SCAF8: variants seen among roughly 807,000 people sequenced by gnomAD.
SCAF8 encodes the protein SR-related CTD associated factor 8.
In SCAF8, 23 loss-of-function variants were observed where a neutral mutation model predicts 140.5. The observed-to-expected ratio is 0.16, with a 90% CI of 0.12 to 0.23. SCAF8 has a LOEUF of 0.23. Ranked by LOEUF, SCAF8 falls within the 10% of genes least tolerant of loss-of-function variation. The pLI is 1.00. For synonymous variants in SCAF8, 575 were observed against 528.9 expected (o/e 1.09, Z -1.20); for missense variants, 1,397 against 1,555.7 (o/e 0.90, Z 1.72).
chr6:154,808,283 T>C, intron 10 of SCAF8, 82 bp downstream of exon 10: 2 of 1,316,442 alleles, frequency 1.5e-6, no homozygotes, highest in South Asian at 2.6e-5. Context: ...AGCAGTGCCC[T>C]GAATATATTT....
chr6:154,762,097 A>G (rs1776419792), intron 1 of SCAF8, among the ~76,000 whole-genome samples: 1 of 152,262 alleles, frequency 6.6e-6, no homozygotes, highest in Non-Finnish European at 1.5e-5. Context: ...CACATACTAG[A>G]AAATAAAAGC....
intron 1 of SCAF8, among the ~76,000 whole-genome samples, chr6:154,773,339 A>G (rs372042624): frequency 6.6e-6 from 1 of 152,196 alleles, no homozygotes; most frequent in South Asian, 2.1e-4. Flanking sequence ...TCTCTAGTTT[A>G]GCATAATGTT....
intron 1 of SCAF8, among the ~76,000 whole-genome samples, chr6:154,734,138 G>A (rs1318572904): frequency 6.6e-6 from 1 of 152,224 alleles, no homozygotes; most frequent in Non-Finnish European, 1.5e-5. Context: ...GCCGCCCTGG[G>A]GCGGAGGGAG....
chr6:154,825,908 A>G (rs901389500), intron 17 of SCAF8, among the ~76,000 whole-genome samples: 1 of 152,150 alleles, frequency 6.6e-6, no homozygotes, highest in Non-Finnish European at 1.5e-5. Context: ...CTCTAATTCA[A>G]GAATTTTGTT....
intron 9 of SCAF8, 98 bp from the exon 10 acceptor site, chr6:154,807,971 GT>G (rs2114643598): frequency 9.1e-7 from 1 of 1,099,834 alleles, no homozygotes. Context: ...TATGGCTCAT[GT>G]TTTTAAACAT....
intron 1 of SCAF8, among the ~76,000 whole-genome samples, chr6:154,766,669 C>CCCCT (rs1554258917): frequency 2.4e-5 from 2 of 82,420 alleles, no homozygotes; most frequent in African/African-American, 1.1e-4. Flanking sequence ...ACCCCCCCCC[C>CCCCT]TTTTTTTTTT....
At chr6:154,806,032 A>G (rs966974165) in intron 9 of SCAF8, among the ~76,000 whole-genome samples, 1 of 152,160 alleles carries the variant, frequency 6.6e-6, no homozygotes, top group African/African-American at 2.4e-5. Flanking sequence ...TCCCAGAGGA[A>G]GTGGAAGCTT....
intron 9 of SCAF8, 124 bp downstream of exon 9, chr6:154,805,610 G>A (rs1777891349): frequency 6.9e-6 from 3 of 432,602 alleles, no homozygotes; most frequent in Non-Finnish European, 1.2e-5. Flanking sequence ...CAACTATTTA[G>A]CTTTTACCAG....
chr6:154,817,038 G>C (rs1253124251), intron 13 of SCAF8, among the ~76,000 whole-genome samples: 2 of 112,008 alleles, frequency 1.8e-5, no homozygotes, highest in African/African-American at 3.5e-5. Context: ...TGTCTTTTTA[G>C]ATTTTACCTG....
At chr6:154,735,954 C>A (rs1189957653) in intron 1 of SCAF8, among the ~76,000 whole-genome samples, 1 of 151,626 alleles carries the variant, frequency 6.6e-6, no homozygotes, top group Non-Finnish European at 1.5e-5. Context: ...CTCAGCCCCC[C>A]AAGTAGGTGA....
chr6:154,784,007 C>T (rs1189583489), intron 3 of SCAF8, among the ~76,000 whole-genome samples: 2 of 151,822 alleles, frequency 1.3e-5, no homozygotes, highest in African/African-American at 4.8e-5. Context: ...GCAGAGGTTG[C>T]AGTGAGCCGA....
intron 4 of SCAF8, among the ~76,000 whole-genome samples, chr6:154,791,542 T>C (rs1191332673): frequency 6.6e-6 from 1 of 152,202 alleles, no homozygotes; most frequent in African/African-American, 2.4e-5. Flanking sequence ...ACTAGCTGGC[T>C]TAAACAGTCT....
At chr6:154,784,295 A>G (rs1392645091) in intron 3 of SCAF8, among the ~76,000 whole-genome samples, 1 of 151,752 alleles carries the variant, frequency 6.6e-6, no homozygotes, top group Non-Finnish European at 1.5e-5. Flanking sequence ...GTATATTTCC[A>G]GATTCTCACT....
At chr6:154,788,808 C>T (rs1459004669) in intron 4 of SCAF8, among the ~76,000 whole-genome samples, 1 of 152,078 alleles carries the variant, frequency 6.6e-6, no homozygotes, top group Non-Finnish European at 1.5e-5. Flanking sequence ...CATGAGCGAG[C>T]ATAAAAAGGA....
chr6:154,815,725 C>G lies in SCAF8; in HGVS notation c.1430C>G (p.Thr477Ser). The G allele has an allele frequency of 6.2e-7, 1 of 1,605,382 alleles. No homozygotes were observed. The highest frequency in any genetic ancestry group is 1.1e-5 in the South Asian group (1 of 90,864). ...IRSKTLSVCSTTLWVGQVDKK... is the reference protein window; with the variant it reads ...IRSKTLSVCSSTLWVGQVDKK... ...TCTTGTGTCTTGACAGTATGTAGTA[C>G]TACTCTCTGGGTTGGGCAAGTGGAC... Residue 477 changes from threonine (T) to serine (S), a missense_variant, in exon 13 of 20, where the codon ACT becomes AGT. Physicochemically the swap from Thr to Ser is moderately conservative, Grantham distance 58. Around this residue, in one of 5 missense-constraint regions of SCAF8, gnomAD observed 339 missense variants for 407.5 expected, o/e 0.83. Transcript: ENST00000367178.
chr6:154,827,535 T>C (rs1391899684), intron 18 of SCAF8, among the ~76,000 whole-genome samples: 1 of 152,200 alleles, frequency 6.6e-6, no homozygotes, highest in Admixed American at 6.5e-5. Flanking sequence ...AGTGCAGTCC[T>C]GCCCCAGTCC....
chr6:154,800,448 A>G (rs1562452962), intron 6 of SCAF8, among the ~76,000 whole-genome samples: 1 of 151,638 alleles, frequency 6.6e-6, no homozygotes, highest in African/African-American at 2.4e-5. Flanking sequence ...TAAATGGCAG[A>G]CTTAAGTGTG....
In SCAF8 at chr6:154,803,213, A is replaced by G. The variant is rs182742422; in HGVS notation, c.784-331A>G. Reference sequence around the variant, plus strand: ...TGAGAACCATATTAGGAATAGATCCATTGAATATGGCCCTAGATGTTTTAT... The same window carrying G: ...TGAGAACCATATTAGGAATAGATCCGTTGAATATGGCCCTAGATGTTTTAT... On this transcript the variant is annotated intron_variant, in intron 7 of 19. Coordinates refer to ENST00000367178, the MANE Select transcript of SCAF8 (RefSeq NM_014892.5). Among the ~76,000 whole-genome samples, 46 of 152,312 alleles carry G rather than the reference A, an allele frequency of 3.0e-4. 1 individual carries two copies. The highest frequency in any genetic ancestry group is 6.8e-3 in the Middle Eastern group (2 of 294).
chr6:154,830,446 G>T (rs943954454), intron 18 of SCAF8, among the ~76,000 whole-genome samples: 3 of 152,082 alleles, frequency 2.0e-5, no homozygotes, highest in African/African-American at 7.2e-5. Flanking sequence ...CATATTTGTA[G>T]TCCACCTTAT....
Sources: allele counts gnomAD v4.1 joint callset (sites outside exome capture counted in the v4.1 genomes callset), GRCh38; gene constraint gnomAD v4.1.1; regional missense constraint gnomAD v4.1.1; transcripts MANE v1.5; gene names NCBI Gene and HGNC (gene_info 2026-07-23, HGNC 2026-07-21).